Variants in BRD1 observed in about 807,000 individuals in gnomAD.
The protein encoded by BRD1 is bromodomain-containing protein 1.
A neutral mutation model predicts 107.7 loss-of-function variants in BRD1; 24 were observed. That is an observed-to-expected ratio of 0.22 (90% CI 0.16 to 0.31). BRD1 has a LOEUF of 0.31. Ranked by LOEUF, BRD1 falls within the 10% of genes least tolerant of loss-of-function variation. BRD1 has a pLI of 1.00. For missense variants in BRD1, 1,279 were observed against 1,638.6 expected (o/e 0.78, Z 3.79); for synonymous variants, 744 against 686.1 (o/e 1.08, Z -1.32).
At chr22:49,805,202 C>G (rs1311331666) in intron 2 of BRD1, among the ~76,000 whole-genome samples, 3 of 152,220 alleles carry the variant, frequency 2.0e-5, no homozygotes, top group Non-Finnish European at 4.4e-5. Context: ...AAGTGCTGCC[C>G]TTGGGGGCAC....
rs80027304 is a variant in BRD1 at position 49,783,450 on chromosome 22, G to A, written c.2857+3940C>T. On this transcript the variant is annotated intron_variant, in intron 8 of 12. Transcript: ENST00000404760. The surrounding 1 kb of genome is among the most constrained non-coding windows in gnomAD (Gnocchi z 4.2). Reference sequence around the variant, plus strand: ...CCATGCCACATCCTCAGACAGTGCCGAGCCAAGTTCCTCCATACCCCATGG... The same window carrying A: ...CCATGCCACATCCTCAGACAGTGCCAAGCCAAGTTCCTCCATACCCCATGG... Among the ~76,000 whole-genome samples, 1,679 of 152,344 alleles carry A rather than the reference G, an allele frequency of 0.011. 49 individuals carry two copies. The highest frequency in any genetic ancestry group is 0.038 in the African/African-American group (1,582 of 41,576).
At chr22:49,818,831 A>G (rs1216619686) in intron 2 of BRD1, among the ~76,000 whole-genome samples, 2 of 151,996 alleles carry the variant, frequency 1.3e-5, no homozygotes, top group African/African-American at 4.8e-5. Flanking sequence ...GCTTGTAGTG[A>G]GCCGAGATCG....
chr22:49,809,495 C>T (rs977707134), intron 2 of BRD1, among the ~76,000 whole-genome samples: 4 of 151,826 alleles, frequency 2.6e-5, no homozygotes, highest in African/African-American at 7.3e-5. Context: ...GAGCCGAGAT[C>T]GCGCCACTGC....
In BRD1 at chr22:49,794,276, G is replaced by A; in HGVS notation, c.2117C>T (p.Pro706Leu). 6.2e-7 allele frequency: 1 copy of A among 1,611,862 alleles called. No homozygotes were observed. The highest frequency in any genetic ancestry group is 8.5e-7 in the Non-Finnish European group (1 of 1,178,668). ...SWEDVDRLLD[P>L]ANRAHLGLEE... ...CAGGCCCAGGTGGGCTCTGTTGGCG[G>A]GGTCCAGCAACCTGTCCACTGAACC... Residue 706 changes from proline to leucine, a missense_variant, in exon 7 of 13, where the codon CCC becomes CTC. By Grantham distance (98) the Pro-to-Leu change is moderately conservative. Around this residue, in one of 7 missense-constraint regions of BRD1, gnomAD observed 406 missense variants for 519.4 expected, o/e 0.78. Coordinates refer to ENST00000404760, the MANE Select transcript of BRD1 (RefSeq NM_001304808.3).
At chr22:49,800,679 G>A (rs1384036970) in intron 3 of BRD1, among the ~76,000 whole-genome samples, 1 of 152,160 alleles carries the variant, frequency 6.6e-6, no homozygotes, top group Non-Finnish European at 1.5e-5. Flanking sequence ...GACAGCACCT[G>A]GGCCCAAGGT....
In BRD1 at chr22:49,792,130, C is replaced by A. The variant is rs556117631; in HGVS notation, c.2359+1904G>T. 7.2e-5 allele frequency among the ~76,000 whole-genome samples: 11 copies of A among 151,744 alleles called. No homozygotes were observed. Among genetic ancestry groups the A allele is most frequent in the Non-Finnish European group, 1.5e-4 (10 of 67,972 alleles). On this transcript the variant is annotated intron_variant, in intron 7 of 12. Coordinates refer to ENST00000404760, the MANE Select transcript of BRD1 (RefSeq NM_001304808.3). The surrounding 1 kb of genome is among the most constrained non-coding windows in gnomAD (Gnocchi z 4.2). ...TCAGTCCTGTGACCCAATAACCGTG[C>A]GGGGTCCTCAGCCCTGTGACCCAAT...
At position 49,824,325 on chromosome 22, in the gene BRD1, T is replaced by C. The variant is rs753414899; in HGVS notation, c.-8A>G. ...TCGTCCTTTCCTCCTCATTTGGTAA[T>C]GATTACCTAAAATGAAGGCAAAAGT... On this transcript the variant is annotated 5_prime_UTR_variant, in exon 2 of 13. Coordinates refer to ENST00000404760, the MANE Select transcript of BRD1 (RefSeq NM_001304808.3). The surrounding 1 kb of genome is among the most constrained non-coding windows in gnomAD (Gnocchi z 5.9). 1 of 1,610,610 alleles carries C rather than the reference T, an allele frequency of 6.2e-7. No homozygotes were observed. Among genetic ancestry groups the C allele is most frequent in the Non-Finnish European group, 8.5e-7 (1 of 1,177,708 alleles).
chr22:49,820,210 T>A (rs776167488), intron 2 of BRD1, among the ~76,000 whole-genome samples: 3 of 152,206 alleles, frequency 2.0e-5, no homozygotes, highest in Non-Finnish European at 4.4e-5. Context: ...ATAAAAGCAG[T>A]CCGTCCCTGA....
At chr22:49,813,358 G>A (rs550289457) in intron 2 of BRD1, among the ~76,000 whole-genome samples, 61 of 151,962 alleles carry the variant, frequency 4.0e-4, no homozygotes, top group Admixed American at 1.1e-3. Context: ...CTAGTAGCTG[G>A]GACTACAGGT....
At position 49,783,788 on chromosome 22, in the gene BRD1, A is replaced by AT. The variant is rs1221013121; in HGVS notation, c.2857+3601dup. On this transcript the variant is annotated intron_variant, in intron 8 of 12. Transcript: ENST00000404760. The surrounding 1 kb of genome is among the most constrained non-coding windows in gnomAD (Gnocchi z 4.2). ...AGCTCCTCCAGGGCTGCTGTTTGTG[A>AT]TTTTGTCTAGAGGATGTTTGAGCTG... Among the ~76,000 whole-genome samples, 1 of 152,150 alleles carries AT rather than the reference A, an allele frequency of 6.6e-6. No homozygotes were observed. The highest frequency in any genetic ancestry group is 1.9e-4 in the East Asian group (1 of 5,194).
In BRD1 at chr22:49,803,014, G is replaced by A. The variant is rs1220574150; in HGVS notation, c.1524+1190C>T. 1.3e-5 allele frequency among the ~76,000 whole-genome samples: 2 copies of A among 152,238 alleles called. No individual in the cohort carries two copies. The highest frequency in any genetic ancestry group is 2.9e-5 in the Non-Finnish European group (2 of 68,044). ...GACAGACACACAGTGGGGCAACCCA[G>A]GTGGACGGCACGGGAGACCTGGAAT... On this transcript the variant is annotated intron_variant, in intron 3 of 12. Transcript: ENST00000404760. The surrounding 1 kb of genome is among the most constrained non-coding windows in gnomAD (Gnocchi z 4.4).
chr22:49,776,283 C>T, intron 10 of BRD1, 124 bp from the exon 11 acceptor site: 1 of 791,040 alleles, frequency 1.3e-6, no homozygotes. Context: ...AGGCCTTTCT[C>T]AGCCACCCCG....
chr22:49,827,849 C>G lies in BRD1; in HGVS notation c.-367G>C, dbSNP rs1433991933. Among the ~76,000 whole-genome samples the G allele has an allele frequency of 2.7e-5, 4 of 145,994 alleles. No homozygotes were observed. The highest frequency in any genetic ancestry group is 6.8e-5 in the Admixed American group (1 of 14,740). On this transcript the variant is annotated 5_prime_UTR_variant, in exon 1 of 13. Coordinates refer to ENST00000404760, the MANE Select transcript of BRD1 (RefSeq NM_001304808.3). ...GGACTCCAGGGCCGGGTCGCTCGCT[C>G]GCTCCCCAGCGAAGCAAACAATGCG... is the stretch of plus-strand genomic sequence containing the variant.
At chr22:49,815,474 CAGAGGTTGCAGTGAGCGT>C (rs1160859537) in intron 2 of BRD1, among the ~76,000 whole-genome samples, 1 of 151,716 alleles carries the variant, frequency 6.6e-6, no homozygotes, top group African/African-American at 2.4e-5. Flanking sequence ...ACCCAGGGGG[CAGAGGTTGCAGTGAGCGT>C]AGATCACGCC....
chr22:49,782,202 C>A (rs572365607), intron 8 of BRD1, among the ~76,000 whole-genome samples: 1 of 151,698 alleles, frequency 6.6e-6, no homozygotes, highest in Admixed American at 6.6e-5. Flanking sequence ...CAGAGACAGA[C>A]CCAAGGCCCA....
intron 2 of BRD1, among the ~76,000 whole-genome samples, chr22:49,821,889 T>G (rs1452836526): frequency 1.3e-5 from 2 of 152,206 alleles, no homozygotes; most frequent in Non-Finnish European, 2.9e-5. Flanking sequence ...CTACCCGCCC[T>G]GTTGACCGGC....
At chr22:49,815,470 G>T (rs1292212763) in intron 2 of BRD1, among the ~76,000 whole-genome samples, 2 of 151,960 alleles carry the variant, frequency 1.3e-5, no homozygotes, top group African/African-American at 4.8e-5. Context: ...TTGAACCCAG[G>T]GGGCAGAGGT....
intron 1 of BRD1, among the ~76,000 whole-genome samples, chr22:49,827,010 G>A (rs1053571588): frequency 1.3e-5 from 2 of 152,014 alleles, no homozygotes; most frequent in African/African-American, 4.8e-5. Context: ...GGCCGCCGCA[G>A]GCCGCGCGGC....
At chr22:49,776,972 C>T (rs1265141278) in intron 10 of BRD1, 62 bp downstream of exon 10, 9 of 1,601,084 alleles carry the variant, frequency 5.6e-6, no homozygotes, top group East Asian at 4.5e-5. Context: ...CCCCAGCAGT[C>T]GAGCCCTAAG....
Sources: allele counts gnomAD v4.1 joint callset (sites outside exome capture counted in the v4.1 genomes callset), GRCh38; gene constraint gnomAD v4.1.1; regional missense constraint gnomAD v4.1.1; non-coding constraint Gnocchi (gnomAD v3.1); transcripts MANE v1.5; gene names NCBI Gene and HGNC (gene_info 2026-07-23, HGNC 2026-07-21).